The following THNSL1 variants were observed in gnomAD, a reference collection of about 807,000 sequenced individuals.
The protein encoded by THNSL1 is threonine synthase-like 1.
In THNSL1, 48 loss-of-function variants were observed where a neutral mutation model predicts 50.4. That is an observed-to-expected ratio of 0.95 (90% CI 0.76 to 1.21). The LOEUF is 1.21. THNSL1 is among the 50% of genes most tolerant of loss of function. The pLI, the probability that THNSL1 is intolerant of heterozygous loss-of-function variation, is 0.00. For missense variants in THNSL1, 896 were observed against 871.7 expected (o/e 1.03, Z -0.35); for synonymous variants, 309 against 306.1 (o/e 1.01, Z -0.10).
intron 2 of THNSL1, among the ~76,000 whole-genome samples, chr10:25,022,352 C>A (rs1362169391): frequency 6.6e-6 from 1 of 152,140 alleles, no homozygotes; most frequent in Non-Finnish European, 1.5e-5. Flanking sequence ...TGAGTTAAAT[C>A]TCTCCACTGA....
chr10:25,023,523 TGA>T lies in THNSL1; in HGVS notation c.301_302del (p.Glu101LysfsTer7). On this transcript the variant is annotated frameshift_variant, in exon 3 of 3. Transcript: ENST00000376356. LOFTEE classifies it high-confidence loss of function. ...LEKTWNMSVS[E>X]KLQDVGNEQF... is the part of the protein sequence containing the mutation. ...AAAAAACCTGGAATATGAGTGTGTC[TGA>T]AAAATTACAGGATGTTGGTAATGAG... 6.2e-7 allele frequency: 1 copy of T among 1,614,138 alleles called. No individual in the cohort carries two copies. The highest frequency in any genetic ancestry group is 8.5e-7 in the Non-Finnish European group (1 of 1,180,006).
At chr10:24,989,234 T>C in the THNSL1 span, among the ~76,000 whole-genome samples, 5 of 152,186 alleles carry the variant, frequency 3.3e-5, no homozygotes, top group African/African-American at 1.2e-4. Flanking sequence ...GAAAATGACA[T>C]GCCAATTCTC....
the THNSL1 span, chr10:24,952,571 G>A: frequency 1.9e-6 from 3 of 1,584,402 alleles, no homozygotes; most frequent in Non-Finnish European, 2.6e-6. This position sits in a 1 kb window ranked among gnomAD's most constrained non-coding sequence, Gnocchi z 5.1. Context: ...GCTGCTCCCG[G>A]CCATGTTTCT....
the THNSL1 span, among the ~76,000 whole-genome samples, chr10:24,975,421 A>T: frequency 1.2e-4 from 18 of 152,310 alleles, no homozygotes; most frequent in South Asian, 2.1e-4. Flanking sequence ...TGAGCACACG[A>T]TAGCAAACTG....
At chr10:24,952,661 T>TGGGGAC in the THNSL1 span, 1,533 of 90,632 alleles carry the variant, frequency 0.017, 22 homozygotes, top group Middle Eastern at 0.028. This position sits in a 1 kb window ranked among gnomAD's most constrained non-coding sequence, Gnocchi z 5.1. Context: ...GACGTGGGGA[T>TGGGGAC]GGGGACGGGG....
the THNSL1 span, among the ~76,000 whole-genome samples, chr10:24,977,562 T>C: frequency 6.6e-6 from 1 of 152,174 alleles, no homozygotes; most frequent in Non-Finnish European, 1.5e-5. Context: ...ACTGGTGAAG[T>C]TTATTATATA....
At chr10:24,995,180 T>C in the THNSL1 span, among the ~76,000 whole-genome samples, 1 of 152,164 alleles carries the variant, frequency 6.6e-6, no homozygotes, top group African/African-American at 2.4e-5. Flanking sequence ...AATAGGAATG[T>C]GAATTATTTA....
the THNSL1 span, among the ~76,000 whole-genome samples, chr10:24,952,851 C>G: frequency 2.0e-5 from 3 of 151,686 alleles, no homozygotes. This position sits in a 1 kb window ranked among gnomAD's most constrained non-coding sequence, Gnocchi z 5.1. Context: ...GCCCCGGACG[C>G]GTCCCTTGCG....
At chr10:24,979,724 A>T in the THNSL1 span, among the ~76,000 whole-genome samples, 1 of 152,118 alleles carries the variant, frequency 6.6e-6, no homozygotes, top group African/African-American at 2.4e-5. Context: ...TCACTCTTTC[A>T]ATCTATCTTT....
chr10:24,958,720 C>T, the THNSL1 span, among the ~76,000 whole-genome samples: 1 of 152,208 alleles, frequency 6.6e-6, no homozygotes, highest in African/African-American at 2.4e-5. Flanking sequence ...AGTAATTCAC[C>T]TTCCACTGAA....
chr10:25,016,445 C>A (rs2291584), upstream of THNSL1, among the ~76,000 whole-genome samples: 42,381 of 152,078 alleles, frequency 0.28, 6,430 homozygotes, highest in East Asian at 0.5. Flanking sequence ...GTGAGCAGGC[C>A]CCAATCGCGG....
the THNSL1 span, among the ~76,000 whole-genome samples, chr10:24,985,517 T>C: frequency 6.6e-6 from 1 of 152,238 alleles, no homozygotes; most frequent in East Asian, 1.9e-4. Context: ...TAATGTATTC[T>C]ATAAATGATT....
the THNSL1 span, among the ~76,000 whole-genome samples, chr10:24,958,106 C>T: frequency 4.6e-5 from 7 of 152,138 alleles, no homozygotes; most frequent in Non-Finnish European, 8.8e-5. Context: ...ATTGGAAATA[C>T]AGAAAGGCAT....
the THNSL1 span, chr10:24,995,564 A>C: frequency 8.1e-7 from 1 of 1,232,368 alleles, no homozygotes; most frequent in South Asian, 1.5e-5. Flanking sequence ...AGCACTAATA[A>C]TGATAACATA....
rs898778870 is a variant in THNSL1 at position 25,016,792 on chromosome 10, G to A, written c.-216+100G>A. 8 of 152,614 alleles carry A rather than the reference G, an allele frequency of 5.2e-5. No individual in the cohort carries two copies. The East Asian group carries it at 1.5e-3, about 30-fold the overall frequency. The allele number at this position is 152,614 out of a possible 1,614,324, so 9.5% of individuals were successfully genotyped here. A position where few individuals can be genotyped will look rare whatever the true frequency, so the allele number is the denominator to read the frequency against. On this transcript the variant is annotated intron_variant, in intron 1 of 2. Transcript: ENST00000376356. ...GTCTTCTCAGTGAGATTTCCTTGGT[G>A]AGTTATTGGAGGAGAAAGGAAGGAA... is the stretch of plus-strand genomic sequence containing the variant.
chr10:24,965,039 C>T, the THNSL1 span, among the ~76,000 whole-genome samples: 12 of 148,394 alleles, frequency 8.1e-5, no homozygotes, highest in South Asian at 2.1e-4. Context: ...CCAGCCTGGA[C>T]GACAGAGCGA....
the THNSL1 span, among the ~76,000 whole-genome samples, chr10:24,994,015 AGGAAGTACCT>A: frequency 6.6e-6 from 1 of 152,136 alleles, no homozygotes; most frequent in Non-Finnish European, 1.5e-5. Context: ...CCACAGAAGG[AGGAAGTACCT>A]GGAGAAGCCT....
chr10:25,025,556 T>A lies in THNSL1; in HGVS notation c.*101T>A. ...TAGCATTTTGTCTTTTATGTAAATA[T>A]CTCTATATCTGTTTGGAATTTCAAA... On this transcript the variant is annotated 3_prime_UTR_variant, in exon 3 of 3. Transcript: ENST00000376356. The A allele has an allele frequency of 8.8e-7, 1 of 1,142,586 alleles. No individual in the cohort carries two copies. The highest frequency in any genetic ancestry group is 1.2e-6 in the Non-Finnish European group (1 of 811,762). 70.8% of individuals were successfully genotyped at this position (1,142,586 alleles called of 1,614,324 possible).
chr10:25,012,699 G>C (rs911528164), upstream of THNSL1, among the ~76,000 whole-genome samples: 1 of 152,218 alleles, frequency 6.6e-6, no homozygotes. Context: ...TATCTGGGAA[G>C]TACCTAACTT....
Sources: gnomAD v4.1 joint callset for allele counts (sites outside exome capture counted in the v4.1 genomes callset) on GRCh38, gnomAD v4.1.1 for gene constraint, Gnocchi (gnomAD v3.1) non-coding constraint, MANE v1.5 for transcripts, NCBI Gene and HGNC (gene_info 2026-07-23, HGNC 2026-07-21) for gene names.